Variants in ZFYVE28 observed in about 807,000 individuals in gnomAD.
ZFYVE28 encodes the protein zinc finger FYVE-type containing 28.
ZFYVE28 carries 40 observed loss-of-function variants against 82.1 expected under a neutral mutation model. The observed-to-expected ratio is 0.49, with a 90% CI of 0.38 to 0.63. The LOEUF (loss-of-function observed/expected upper bound fraction) is 0.63. Among genes scored for constraint, ZFYVE28 ranks in the 30% least tolerant of loss-of-function variants. The probability of loss-of-function intolerance (pLI) is 0.00; values close to 1 mark genes in which losing one functional copy is unlikely to be tolerated. For missense variants in ZFYVE28, 1,321 were observed against 1,242.1 expected (o/e 1.06, Z -0.96); for synonymous variants, 612 against 546.1 (o/e 1.12, Z -1.68).
At chr4:2,308,683 G>GAAGGAGAAAGAAAGA (rs1717026375) in intron 7 of ZFYVE28, among the ~76,000 whole-genome samples, 1 of 81,442 alleles carries the variant, frequency 1.2e-5, no homozygotes, top group Admixed American at 1.3e-4. Flanking sequence ...GAAAGAGAAA[G>GAAGGAGAAAGAAAGA]AAAGAAAAGA....
At chr4:2,343,829 TG>T (rs1723149773) in intron 2 of ZFYVE28, among the ~76,000 whole-genome samples, 1 of 152,240 alleles carries the variant, frequency 6.6e-6, no homozygotes, top group African/African-American at 2.4e-5. Context: ...CCAGCCTTCC[TG>T]GTCTGCTAGA....
At chr4:2,349,090 C>T (rs948336746) in intron 2 of ZFYVE28, among the ~76,000 whole-genome samples, 83 of 152,086 alleles carry the variant, frequency 5.5e-4, no homozygotes, top group African/African-American at 1.8e-3. Context: ...ACCAGATGAG[C>T]CCAAAGTCTC....
At chr4:2,402,402 C>T (rs1277966572) in intron 1 of ZFYVE28, among the ~76,000 whole-genome samples, 1 of 152,232 alleles carries the variant, frequency 6.6e-6, no homozygotes, top group Non-Finnish European at 1.5e-5. Context: ...AAGGCCATGT[C>T]CTGCAGCCTC....
In ZFYVE28 at chr4:2,341,586, G is replaced by T; in HGVS notation, c.210C>A (p.Ile70=). ...QDNVLNIINQ[I]MDECIPQDRA... The stretch of plus-strand genomic sequence containing the variant: ...GGTCCTGGGGGATGCACTCATCCAT[G>T]ATCTGGTTAATGATGTTCAACACAT... The change falls in exon 3 of 13, where the codon ATC becomes ATA. Residue 70 remains isoleucine, a synonymous_variant. Transcript: ENST00000290974. This position sits in a 1 kb window ranked among gnomAD's most constrained non-coding sequence, Gnocchi z 4.5. The T allele has an allele frequency of 6.2e-7, 1 of 1,613,762 alleles. No individual in the cohort carries two copies. Among genetic ancestry groups the T allele is most frequent in the Non-Finnish European group, 8.5e-7 (1 of 1,179,768 alleles).
chr4:2,355,777 G>A (rs1725222616), intron 1 of ZFYVE28, among the ~76,000 whole-genome samples: 1 of 152,146 alleles, frequency 6.6e-6, no homozygotes, highest in African/African-American at 2.4e-5. Context: ...GGGTCTCCCT[G>A]TGTTGCCCAG....
chr4:2,361,301 C>T (rs1334092876), intron 1 of ZFYVE28, among the ~76,000 whole-genome samples: 2 of 152,148 alleles, frequency 1.3e-5, no homozygotes, highest in African/African-American at 2.4e-5. Context: ...GATGGACTGA[C>T]TCTGGGCTAA....
At chr4:2,371,202 G>A (rs2239721) in intron 1 of ZFYVE28, among the ~76,000 whole-genome samples, 99,220 of 152,096 alleles carry the variant, frequency 0.65, 32,676 homozygotes, top group East Asian at 0.8. Context: ...GGGCAAAGCC[G>A]CCTGGACACA....
intron 2 of ZFYVE28, among the ~76,000 whole-genome samples, chr4:2,350,036 C>CACACAG (rs1553850605): frequency 5.3e-5 from 5 of 94,110 alleles, no homozygotes; most frequent in African/African-American, 2.9e-4. Context: ...GACACACAGA[C>CACACAG]ACACACACAC....
chr4:2,398,335 C>T (rs1266037085), intron 1 of ZFYVE28, among the ~76,000 whole-genome samples: 2 of 152,186 alleles, frequency 1.3e-5, no homozygotes, highest in Non-Finnish European at 2.9e-5. Flanking sequence ...TGCATGAGGG[C>T]ACCCAGACAG....
chr4:2,295,718 G>A (rs1714452766), intron 8 of ZFYVE28: 2 of 152,576 alleles, frequency 1.3e-5, no homozygotes, highest in African/African-American at 4.8e-5. Flanking sequence ...CCTTCATTCA[G>A]GCCTCAGCAA....
chr4:2,290,139 A>G (rs970867512), intron 8 of ZFYVE28, among the ~76,000 whole-genome samples: 1 of 152,034 alleles, frequency 6.6e-6, no homozygotes, highest in Middle Eastern at 3.2e-3. Context: ...CCTGTGCCCC[A>G]GGGGACTCAC....
chr4:2,347,672 G>A (rs147081641), intron 2 of ZFYVE28, among the ~76,000 whole-genome samples: 54 of 151,804 alleles, frequency 3.6e-4, no homozygotes, highest in African/African-American at 9.9e-4. Flanking sequence ...AAATACTCAC[G>A]AATCAAACAT....
chr4:2,399,833 G>T (rs533749085), intron 1 of ZFYVE28, among the ~76,000 whole-genome samples: 1 of 152,222 alleles, frequency 6.6e-6, no homozygotes, highest in Admixed American at 6.5e-5. Flanking sequence ...GACGTGAGCC[G>T]TACCAGTCAC....
At chr4:2,290,381 G>A (rs919428649) in intron 8 of ZFYVE28, among the ~76,000 whole-genome samples, 2 of 152,194 alleles carry the variant, frequency 1.3e-5, no homozygotes, top group Non-Finnish European at 2.9e-5. Context: ...AATGTGCCTG[G>A]TGAGACAGGC....
chr4:2,366,868 G>A (rs1406866219), intron 1 of ZFYVE28, among the ~76,000 whole-genome samples: 1 of 152,190 alleles, frequency 6.6e-6, no homozygotes, highest in East Asian at 1.9e-4. Flanking sequence ...TGGGCACGGC[G>A]CCACGCAAAC....
chr4:2,413,356 T>C (rs1408658073), intron 1 of ZFYVE28, among the ~76,000 whole-genome samples: 3 of 152,188 alleles, frequency 2.0e-5, no homozygotes. Flanking sequence ...AAAGGAAGGC[T>C]TTCTGGGAGG....
intron 1 of ZFYVE28, among the ~76,000 whole-genome samples, chr4:2,377,182 C>G (rs540275967): frequency 2.6e-5 from 4 of 151,024 alleles, no homozygotes; most frequent in Non-Finnish European, 5.9e-5. Context: ...CTACCACGCC[C>G]AGCTAATTTT....
chr4:2,337,589 T>C, intron 4 of ZFYVE28, 93 bp from the exon 5 acceptor site: 3 of 891,316 alleles, frequency 3.4e-6, no homozygotes, highest in South Asian at 1.9e-5. Context: ...AAAGCTGCAA[T>C]GCTGGGCAAG....
chr4:2,400,075 C>A (rs926365965), intron 1 of ZFYVE28, among the ~76,000 whole-genome samples: 3 of 152,244 alleles, frequency 2.0e-5, no homozygotes, highest in African/African-American at 7.2e-5. Flanking sequence ...TTCCCCGGAG[C>A]TCCTCAGGGC....
Sources: allele counts gnomAD v4.1 joint callset (sites outside exome capture counted in the v4.1 genomes callset), GRCh38; gene constraint gnomAD v4.1.1; non-coding constraint Gnocchi (gnomAD v3.1); transcripts MANE v1.5; gene names NCBI Gene and HGNC (gene_info 2026-07-23, HGNC 2026-07-21).